The following ARSB variants were observed in gnomAD, a reference collection of about 807,000 sequenced individuals.
ARSB encodes N-acetylgalactosamine-4-sulfatase.
ARSB carries 41 observed loss-of-function variants against 50.9 expected under a neutral mutation model. The observed-to-expected ratio is 0.81, with a 90% CI of 0.63 to 1.04. ARSB has a LOEUF of 1.04. ARSB is among the 50% of genes least tolerant of loss of function. The probability of loss-of-function intolerance (pLI) is 0.00; values close to 1 mark genes in which losing one functional copy is unlikely to be tolerated. For synonymous variants in ARSB, 269 were observed against 284.8 expected (o/e 0.94, Z 0.56); for missense variants, 672 against 693.3 (o/e 0.97, Z 0.35).
intron 5 of ARSB, among the ~76,000 whole-genome samples, chr5:78,862,567 G>A (rs556823442): frequency 9.5e-4 from 144 of 152,248 alleles, no homozygotes; most frequent in African/African-American, 3.3e-3. Context: ...GCTGAAACTG[G>A]ATCCCTTCCT....
chr5:78,945,639 T>G (rs1332131816), intron 4 of ARSB, among the ~76,000 whole-genome samples: 1 of 152,046 alleles, frequency 6.6e-6, no homozygotes, highest in African/African-American at 2.4e-5. Flanking sequence ...CCTTCACAAT[T>G]CCTCCCTGCA....
intron 4 of ARSB, among the ~76,000 whole-genome samples, chr5:78,929,636 CA>C (rs563837881): frequency 2.6e-5 from 4 of 151,650 alleles, no homozygotes; most frequent in Non-Finnish European, 5.9e-5. Flanking sequence ...ACTAAAAATA[CA>C]AAAAAATTTG....
At chr5:78,789,252 T>G (rs1170521341) in intron 6 of ARSB, among the ~76,000 whole-genome samples, 3 of 152,222 alleles carry the variant, frequency 2.0e-5, no homozygotes, top group Non-Finnish European at 4.4e-5. Flanking sequence ...ACCTGTTAAT[T>G]TATTAGTTGC....
At chr5:78,781,810 G>A in intron 7 of ARSB, 42 bp downstream of exon 7, 1 of 1,613,544 alleles carries the variant, frequency 6.2e-7, no homozygotes, top group Non-Finnish European at 8.5e-7. Flanking sequence ...GCCCTGCTTT[G>A]TCTACCACGG....
chr5:78,801,064 C>G (rs1006615659), intron 6 of ARSB, among the ~76,000 whole-genome samples: 2 of 152,172 alleles, frequency 1.3e-5, no homozygotes, highest in Admixed American at 1.3e-4. Flanking sequence ...TGCGTTAGTA[C>G]CTCCAACATA....
chr5:78,812,039 C>A (rs1211733023), intron 6 of ARSB, among the ~76,000 whole-genome samples: 4 of 152,050 alleles, frequency 2.6e-5, no homozygotes, highest in African/African-American at 9.7e-5. Flanking sequence ...ACTGTTCAAG[C>A]AATTAGAAAA....
At chr5:78,884,592 C>G (rs1407118614) in intron 5 of ARSB, 1 of 152,178 alleles carries the variant, frequency 6.6e-6, no homozygotes, top group East Asian at 1.9e-4. Context: ...TAACCCCAAA[C>G]AGAGCTGTAA....
chr5:78,867,514 AC>A (rs1746838510), intron 5 of ARSB, among the ~76,000 whole-genome samples: 1 of 152,014 alleles, frequency 6.6e-6, no homozygotes, highest in African/African-American at 2.4e-5. Flanking sequence ...CTGACCCCTG[AC>A]CCCCGAGCAG....
At chr5:78,966,573 G>A (rs1335097350) in intron 2 of ARSB, among the ~76,000 whole-genome samples, 1 of 152,204 alleles carries the variant, frequency 6.6e-6, no homozygotes, top group African/African-American at 2.4e-5. Context: ...GAGCTGTGTG[G>A]TCATCATAAC....
At chr5:78,800,591 T>C (rs1743350331) in intron 6 of ARSB, among the ~76,000 whole-genome samples, 1 of 152,186 alleles carries the variant, frequency 6.6e-6, no homozygotes, top group Non-Finnish European at 1.5e-5. Context: ...GTCACAGGAA[T>C]TACAGAAAAA....
intron 5 of ARSB, among the ~76,000 whole-genome samples, chr5:78,843,614 A>G (rs969411095): frequency 2.6e-5 from 4 of 152,224 alleles, no homozygotes; most frequent in Non-Finnish European, 5.9e-5. Context: ...TGTTTTTGGT[A>G]TATTCACATG....
chr5:78,923,556 C>T (rs1315922642), intron 4 of ARSB, among the ~76,000 whole-genome samples: 1 of 152,224 alleles, frequency 6.6e-6, no homozygotes, highest in African/African-American at 2.4e-5. Flanking sequence ...CTGAAGGATG[C>T]AATTGTGGCT....
chr5:78,973,286 G>A (rs1307989007), intron 1 of ARSB, among the ~76,000 whole-genome samples: 1 of 152,166 alleles, frequency 6.6e-6, no homozygotes, highest in Non-Finnish European at 1.5e-5. Context: ...AGTCCAAGGG[G>A]TTACTTCCCT....
intron 5 of ARSB, among the ~76,000 whole-genome samples, chr5:78,856,371 G>A (rs944123140): frequency 6.6e-6 from 1 of 152,132 alleles, no homozygotes; most frequent in Admixed American, 6.5e-5. Flanking sequence ...AATGATAATG[G>A]CTTCCCCTTG....
At chr5:78,942,785 G>A (rs930228648) in intron 4 of ARSB, among the ~76,000 whole-genome samples, 4 of 152,184 alleles carry the variant, frequency 2.6e-5, no homozygotes, top group Non-Finnish European at 5.9e-5. Context: ...TTCTGTAGAT[G>A]TCTATTAGGT....
intron 5 of ARSB, among the ~76,000 whole-genome samples, chr5:78,840,954 A>C (rs79599040): frequency 6.6e-6 from 1 of 152,194 alleles, no homozygotes; most frequent in East Asian, 1.9e-4. Context: ...GGTAAATATG[A>C]GAAAATCTAA....
At chr5:78,796,243 T>G (rs562063022) in intron 6 of ARSB, among the ~76,000 whole-genome samples, 2 of 152,406 alleles carry the variant, frequency 1.3e-5, no homozygotes, top group African/African-American at 2.4e-5. Context: ...ATACCTATGT[T>G]GTTGATCACT....
At chr5:78,944,543 C>T (rs1751117399) in intron 4 of ARSB, among the ~76,000 whole-genome samples, 1 of 152,200 alleles carries the variant, frequency 6.6e-6, no homozygotes, top group African/African-American at 2.4e-5. Flanking sequence ...TGGAGGTCCA[C>T]TCCAGACCCT....
intron 4 of ARSB, among the ~76,000 whole-genome samples, chr5:78,905,645 C>T (rs184688471): frequency 1.2e-3 from 186 of 152,100 alleles, no homozygotes; most frequent in Middle Eastern, 0.01. Context: ...GTTGAGTTTT[C>T]GAAGCCTCTG....
Sources: gnomAD v4.1 joint callset for allele counts (sites outside exome capture counted in the v4.1 genomes callset) on GRCh38, gnomAD v4.1.1 for gene constraint, MANE v1.5 for transcripts, NCBI Gene and HGNC (gene_info 2026-07-23, HGNC 2026-07-21) for gene names.